Variants in PPP1R37 observed in about 807,000 individuals in gnomAD.
The protein encoded by PPP1R37 is leucine rich repeat containing 68.
PPP1R37 carries 21 observed loss-of-function variants against 61.0 expected under a neutral mutation model. The ratio of observed to expected loss-of-function variants is 0.34; its 90% CI spans 0.24 to 0.50. PPP1R37 has a LOEUF of 0.50. PPP1R37 is among the 20% of genes least tolerant of loss of function. The pLI, the probability that PPP1R37 is intolerant of heterozygous loss-of-function variation, is 0.98. For synonymous variants in PPP1R37, 443 were observed against 433.5 expected (o/e 1.02, Z -0.27); for missense variants, 910 against 952.7 (o/e 0.96, Z 0.59).
At position 45,093,235 on chromosome 19, in the gene PPP1R37, C is replaced by G; in HGVS notation, c.-91C>G. The G allele has an allele frequency of 9.5e-7, 1 of 1,053,168 alleles. No homozygotes were observed. Among genetic ancestry groups the G allele is most frequent in the East Asian group, 3.3e-5 (1 of 30,504 alleles). 65.2% of individuals were successfully genotyped at this position (1,053,168 alleles called of 1,614,324 possible). A position where few individuals can be genotyped will look rare whatever the true frequency, so the allele number is the denominator to read the frequency against. ...GGCGGCGCCTGAAGCGGCGGCGGAG[C>G]CCATGCCCCGGGACGGCGGGCGGAC... On this transcript the variant is annotated 5_prime_UTR_variant, in exon 1 of 13. Coordinates refer to ENST00000221462, the MANE Select transcript of PPP1R37 (RefSeq NM_019121.2).
Position 45,130,321 on chromosome 19 carries a change from C to T in PPP1R37, c.203-8193C>T, listed in dbSNP as rs530229691. Among the ~76,000 whole-genome samples, 9 of 152,328 alleles carry T rather than the reference C, an allele frequency of 5.9e-5. No individual in the cohort carries two copies. Among genetic ancestry groups the T allele is most frequent in the East Asian group, 1.9e-4 (1 of 5,186 alleles). ...TGAGCCTGAATCCATCCTGTTGCTG[C>T]TCTGCCCCTCGCCCCCAGTGGCTCC... On this transcript the variant is annotated intron_variant, in intron 1 of 12. Coordinates refer to ENST00000221462, the MANE Select transcript of PPP1R37 (RefSeq NM_019121.2). This position sits in a 1 kb window ranked among gnomAD's most constrained non-coding sequence, Gnocchi z 4.4.
intron 11 of PPP1R37, 68 bp downstream of exon 11, chr19:45,146,117 G>A (rs1968695839): frequency 7.1e-7 from 1 of 1,417,370 alleles, no homozygotes; most frequent in Non-Finnish European, 9.3e-7. Context: ...GCAAGCCCCT[G>A]CCTGTTGTGG....
chr19:45,133,947 ATC>A (rs1040924334), intron 1 of PPP1R37, among the ~76,000 whole-genome samples: 36 of 152,270 alleles, frequency 2.4e-4, no homozygotes, highest in Middle Eastern at 3.4e-3. Context: ...CTCGGGTAGC[ATC>A]TCTCATGTGG....
In PPP1R37 at chr19:45,145,515, G is replaced by A. The variant is rs1029052697; in HGVS notation, c.1459G>A (p.Glu487Lys). ...CGCCACCGAGCCCCAGCCCGACGAC[G>A]AGCCCGCCGCTGGGGTGCAGAACGG... ...TTATEPQPDDEPAAGVQNGAP... is the reference protein window; with the variant it reads ...TTATEPQPDDKPAAGVQNGAP... The change falls in exon 11 of 13, where the codon GAG becomes AAG. Residue 487 changes from glutamate to lysine, a missense_variant. Transcript: ENST00000221462. 23 of 1,533,914 alleles carry A rather than the reference G, an allele frequency of 1.5e-5. No homozygotes were observed. The highest frequency in any genetic ancestry group is 4.1e-5 in the African/African-American group (3 of 72,960).
chr19:45,127,304 A>G (rs1388758153), intron 1 of PPP1R37, among the ~76,000 whole-genome samples: 2 of 147,392 alleles, frequency 1.4e-5, no homozygotes, highest in Non-Finnish European at 3.0e-5. Flanking sequence ...GTAAGCTGAG[A>G]TCATGCTATT....
chr19:45,104,261 C>T (rs908167088), intron 1 of PPP1R37, among the ~76,000 whole-genome samples: 136 of 152,342 alleles, frequency 8.9e-4, no homozygotes, highest in African/African-American at 2.9e-3. Flanking sequence ...CCCATCTCCC[C>T]TCCCTGGACC....
Position 45,140,623 on chromosome 19 carries a change from C to G in PPP1R37, c.447+17C>G. ...GATGAAGATGTGAGCGGCCCTGCCACCGCCCACTTGGCTCCCTGAGCTCCC... is the reference window on the plus strand; with the variant it reads ...GATGAAGATGTGAGCGGCCCTGCCAGCGCCCACTTGGCTCCCTGAGCTCCC... On this transcript the variant is annotated intron_variant, in intron 4 of 12. Transcript: ENST00000221462. 6.5e-7 allele frequency: 1 copy of G among 1,527,652 alleles called. No homozygotes were observed. The highest frequency in any genetic ancestry group is 1.7e-4 in the Middle Eastern group (1 of 5,974). 94.6% of individuals were successfully genotyped at this position (1,527,652 alleles called of 1,614,324 possible).
At chr19:45,120,266 C>T (rs142395241) in intron 1 of PPP1R37, among the ~76,000 whole-genome samples, 2 of 152,308 alleles carry the variant, frequency 1.3e-5, no homozygotes, top group East Asian at 3.9e-4. Context: ...ATCCGCCCAC[C>T]TTAGCCTCCC....
chr19:45,142,114 G>A lies in PPP1R37; in HGVS notation c.621G>A (p.Ser207=), dbSNP rs1336311913. The change falls in exon 6 of 13, where the codon TCG becomes TCA. Residue 207 remains serine, a synonymous_variant. Coordinates refer to ENST00000221462, the MANE Select transcript of PPP1R37 (RefSeq NM_019121.2). ...DARNTPLLDH[S]APFVARALRI... Reference sequence around the variant, plus strand: ...GCAACACGCCCCTGCTGGACCACTCGGCGCCCTTCGTGGCCCGTGCCCTGC... The same window carrying A: ...GCAACACGCCCCTGCTGGACCACTCAGCGCCCTTCGTGGCCCGTGCCCTGC... 6 of 1,534,282 alleles carry A rather than the reference G, an allele frequency of 3.9e-6. No homozygotes were observed. Among genetic ancestry groups the A allele is most frequent in the East Asian group, 4.9e-5 (2 of 40,890 alleles).
At chr19:45,098,378 G>T (rs1227489320) in intron 1 of PPP1R37, among the ~76,000 whole-genome samples, 1 of 152,222 alleles carries the variant, frequency 6.6e-6, no homozygotes, top group Non-Finnish European at 1.5e-5. Context: ...ACTCTGTGGG[G>T]TTGGAAAGAT....
intron 8 of PPP1R37, 39 bp downstream of exon 8, chr19:45,143,672 C>G: frequency 8.2e-7 from 1 of 1,215,552 alleles, no homozygotes; most frequent in Non-Finnish European, 1.2e-6. Flanking sequence ...ACCTCGGTCC[C>G]CGCTGCCACC....
Position 45,123,086 on chromosome 19 carries a change from C to T in PPP1R37, c.203-15428C>T, listed in dbSNP as rs191087229. 2.5e-4 allele frequency among the ~76,000 whole-genome samples: 38 copies of T among 152,304 alleles called. No homozygotes were observed. In the East Asian group the frequency reaches 7.1e-3, roughly 29 times the overall value. On this transcript the variant is annotated intron_variant, in intron 1 of 12. Transcript: ENST00000221462. ...CTGATCCCAGCCTGGCCATCCTCCC[C>T]GCCTCCATGTCCCCTCCCTCCCTCC... is the stretch of plus-strand genomic sequence containing the variant.
chr19:45,136,070 A>G (rs1479252467), intron 1 of PPP1R37: 1 of 152,022 alleles, frequency 6.6e-6, no homozygotes, highest in African/African-American at 2.4e-5. Context: ...GGCATGAGCC[A>G]CCATGCCTGG....
chr19:45,128,905 T>C, intron 1 of PPP1R37: 1 of 693,346 alleles, frequency 1.4e-6, no homozygotes, highest in Non-Finnish European at 2.6e-6. Flanking sequence ...AGGACCTTCT[T>C]CGTCTGCCAG....
intron 5 of PPP1R37, 94 bp from the exon 6 acceptor site, chr19:45,141,967 C>T (rs576335577): frequency 2.0e-6 from 2 of 1,017,988 alleles, no homozygotes; most frequent in Non-Finnish European, 2.7e-6. Context: ...GGGCACAGGT[C>T]CTGGGGCCAG....
intron 8 of PPP1R37, 77 bp from the exon 9 acceptor site, chr19:45,144,777 C>A: frequency 7.7e-7 from 1 of 1,300,642 alleles, no homozygotes; most frequent in South Asian, 1.4e-5. Context: ...CTCTTCCCGG[C>A]TTCTTTCCTG....
chr19:45,108,357 G>A (rs374314273), intron 1 of PPP1R37, among the ~76,000 whole-genome samples: 28 of 151,824 alleles, frequency 1.8e-4, no homozygotes, highest in African/African-American at 3.1e-4. Flanking sequence ...TTATAGGCGC[G>A]CACCACCACG....
intron 1 of PPP1R37, among the ~76,000 whole-genome samples, chr19:45,124,572 T>C (rs1041291857): frequency 6.6e-6 from 1 of 152,072 alleles, no homozygotes; most frequent in Middle Eastern, 3.2e-3. Context: ...GCATCATCTG[T>C]GTGCTCCTTC....
At chr19:45,118,943 C>G (rs1599698954) in intron 1 of PPP1R37, among the ~76,000 whole-genome samples, 1 of 152,120 alleles carries the variant, frequency 6.6e-6, no homozygotes, top group South Asian at 2.1e-4. Flanking sequence ...GGGCCACCGC[C>G]TCTGAGCAGC....
Sources: allele counts gnomAD v4.1 joint callset (sites outside exome capture counted in the v4.1 genomes callset), GRCh38; gene constraint gnomAD v4.1.1; non-coding constraint Gnocchi (gnomAD v3.1); transcripts MANE v1.5; gene names NCBI Gene and HGNC (gene_info 2026-07-23, HGNC 2026-07-21).